The following MRPS30 variants were observed in gnomAD, a reference collection of about 807,000 sequenced individuals.
MRPS30 encodes the protein mitochondrial ribosomal protein S30, also known as large ribosomal subunit protein mL65.
A neutral mutation model predicts 43.8 loss-of-function variants in MRPS30; 42 were observed. The observed-to-expected ratio is 0.96, with a 90% CI of 0.75 to 1.24. The LOEUF (loss-of-function observed/expected upper bound fraction) is 1.24. Among genes scored for constraint, MRPS30 ranks in the 50% most tolerant of loss-of-function variants. MRPS30 has a pLI of 0.00. For missense variants in MRPS30, 638 were observed against 570.0 expected (o/e 1.12, Z -1.22); for synonymous variants, 273 against 228.2 (o/e 1.20, Z -1.77).
At position 44,809,265 on chromosome 5, in the gene MRPS30, T is replaced by C; in HGVS notation, c.303T>C (p.Asn101=). The C allele has an allele frequency of 1.9e-6, 3 of 1,613,540 alleles. No homozygotes were observed. The highest frequency in any genetic ancestry group is 2.5e-6 in the Non-Finnish European group (3 of 1,179,884). The change falls in exon 1 of 5, where the codon AAT becomes AAC. Residue 101 remains asparagine (N), a synonymous_variant. Coordinates refer to ENST00000507110, the MANE Select transcript of MRPS30 (RefSeq NM_016640.4). ...TTTACCCGCAGACCTTCGCGCTGAA[T>C]GCCGACCGCTGGTACCAGTACTTCA... ...YMVYPQTFAL[N]ADRWYQYFTK... is the part of the protein sequence containing the mutation.
chr5:44,812,399 AC>A (rs1742858476), intron 3 of MRPS30, among the ~76,000 whole-genome samples: 1 of 152,156 alleles, frequency 6.6e-6, no homozygotes, highest in African/African-American at 2.4e-5. Context: ...TAAGGAATTC[AC>A]AAATTCATAA....
intron 2 of MRPS30, 48 bp from the exon 3 acceptor site, chr5:44,811,866 AC>A: frequency 8.8e-7 from 1 of 1,141,138 alleles, no homozygotes; most frequent in Non-Finnish European, 1.2e-6. Flanking sequence ...TGAGTAAAAT[AC>A]ATACTAATGT....
intron 3 of MRPS30, among the ~76,000 whole-genome samples, chr5:44,812,453 A>AT (rs899753505): frequency 1.3e-5 from 2 of 151,708 alleles, no homozygotes; most frequent in African/African-American, 4.8e-5. Flanking sequence ...TTTTTTTGCA[A>AT]TTTTTTCTTC....
At position 44,809,461 on chromosome 5, in the gene MRPS30, G is replaced by A. The variant is rs1473840638; in HGVS notation, c.499G>A (p.Glu167Lys). Residue 167 changes from glutamate (E) to lysine (K), a missense_variant, in exon 1 of 5, where the codon GAG becomes AAG. Coordinates refer to ENST00000507110, the MANE Select transcript of MRPS30 (RefSeq NM_016640.4). ...GCGCAGGCGGCGCGTGCACCGTTAC[G>A]AGGAGAGCGAGGTCATATCTTTGCC... ...LRRRRRVHRY[E>K]ESEVISLPFL... The A allele has an allele frequency of 6.2e-7, 1 of 1,613,928 alleles. No homozygotes were observed. Among genetic ancestry groups the A allele is most frequent in the Admixed American group, 1.7e-5 (1 of 60,030 alleles).
rs373372610 is a variant in MRPS30, at chr5:44,811,193, G to A, written c.747+39G>A. On this transcript the variant is annotated intron_variant, in intron 2 of 4. Coordinates refer to ENST00000507110, the MANE Select transcript of MRPS30 (RefSeq NM_016640.4). ...GCGATTATGTATCTATTGATATCTC[G>A]TGTAGGATTTGTCATAGGCAGGTTG... 6.6e-4 allele frequency: 1,061 copies of A among 1,601,982 alleles called. No individual in the cohort carries two copies. Among genetic ancestry groups the A allele is most frequent in the Non-Finnish European group, 8.7e-4 (1,015 of 1,170,708 alleles).
At chr5:44,810,027 C>T (rs1742811271) in intron 1 of MRPS30, 1 of 155,668 alleles carries the variant, frequency 6.4e-6, no homozygotes, top group African/African-American at 2.4e-5. Context: ...AACTTTTTTG[C>T]TTAATTTTTC....
chr5:44,812,060 C>A, intron 3 of MRPS30, 40 bp downstream of exon 3: 1 of 1,408,366 alleles, frequency 7.1e-7, no homozygotes, highest in South Asian at 1.3e-5. Flanking sequence ...TAAATGTGTT[C>A]CAAGTGTCGT....
chr5:44,811,229 TTAG>T lies in MRPS30; in HGVS notation c.747+79_747+81del, dbSNP rs531548540. ...GTCATAGGCAGGTTGAGTAATAGTC[TTAG>T]TAGAATAAAATGTTTCAGGTGGATC... On this transcript the variant is annotated intron_variant, in intron 2 of 4. Transcript: ENST00000507110. The T allele has an allele frequency of 3.0e-5, 44 of 1,485,008 alleles. No individual in the cohort carries two copies. In the East Asian group the frequency reaches 9.4e-4, roughly 32 times the overall value. The allele number at this position is 1,485,008 out of a possible 1,614,324, so 92.0% of individuals were successfully genotyped here. A position where few individuals can be genotyped will look rare whatever the true frequency, so the allele number is the denominator to read the frequency against.
rs201011555 is a variant in MRPS30 at position 44,813,222 on chromosome 5, T to G, written c.970T>G (p.Phe324Val). ...CTGTGCTGATCAGATAGAAGTTGTTTTTAGAGCTAATGCTATTGCAAGCCT... is the reference window on the plus strand; with the variant it reads ...CTGTGCTGATCAGATAGAAGTTGTTGTTAGAGCTAATGCTATTGCAAGCCT... Reference protein sequence around the residue: ...QNCADQIEVVFRANAIASLFA... With the variant: ...QNCADQIEVVVRANAIASLFA... Residue 324 changes from phenylalanine to valine, a missense_variant, in exon 4 of 5, where the codon TTT (phenylalanine) becomes GTT (valine). By Grantham distance (50) the Phe-to-Val change is conservative (BLOSUM62 -1). Coordinates refer to ENST00000507110, the MANE Select transcript of MRPS30 (RefSeq NM_016640.4). The G allele has an allele frequency of 4.8e-5, 78 of 1,612,472 alleles. No individual in the cohort carries two copies. Among genetic ancestry groups the G allele is most frequent in the Non-Finnish European group, 6.8e-6 (8 of 1,179,428 alleles).
rs755911579 is a variant in MRPS30 at position 44,811,918 on chromosome 5, G to T, written c.751G>T (p.Val251Leu). The change falls in exon 3 of 5, where the codon GTG becomes TTG. Residue 251 changes from valine to leucine, a missense_variant. Coordinates refer to ENST00000507110, the MANE Select transcript of MRPS30 (RefSeq NM_016640.4). ...ATGTCTTTTCTTTTTCTTTAAGTTT[G>T]TGCCATTGGATTATTCTGTTCCTAT... Reference protein sequence around the residue: ...IRISKQLAEFVPLDYSVPIEI... With the variant: ...IRISKQLAEFLPLDYSVPIEI... 1 of 1,526,986 alleles carries T rather than the reference G, an allele frequency of 6.5e-7. No individual in the cohort carries two copies. The highest frequency in any genetic ancestry group is 8.9e-7 in the Non-Finnish European group (1 of 1,129,650). The allele number at this position is 1,526,986 out of a possible 1,614,324, so 94.6% of individuals were successfully genotyped here. A position where few individuals can be genotyped will look rare whatever the true frequency, so the allele number is the denominator to read the frequency against.
At chr5:44,810,568 C>A (rs899112986) in intron 1 of MRPS30, among the ~76,000 whole-genome samples, 1 of 152,114 alleles carries the variant, frequency 6.6e-6, no homozygotes, top group Non-Finnish European at 1.5e-5. Flanking sequence ...TTGAGGAAAG[C>A]GTCATGGACT....
Position 44,811,095 on chromosome 5 carries a change from C to G in MRPS30, c.688C>G (p.Arg230Gly). ...GHRRGRIDDL[R>G]YQIDDKPNNQ... The stretch of plus-strand genomic sequence containing the variant: ...TCGAAGAGGTCGAATTGATGACTTG[C>G]GATACCAGATAGATGATAAACCAAA... Residue 230 changes from arginine (R) to glycine (G), a missense_variant, in exon 2 of 5, where the codon CGA becomes GGA. Coordinates refer to ENST00000507110, the MANE Select transcript of MRPS30 (RefSeq NM_016640.4). 1 of 1,613,930 alleles carries G rather than the reference C, an allele frequency of 6.2e-7. No individual in the cohort carries two copies. Among genetic ancestry groups the G allele is most frequent in the Non-Finnish European group, 8.5e-7 (1 of 1,179,896 alleles).
rs755161086 is a variant in MRPS30 at position 44,809,476 on chromosome 5, A to G, written c.514A>G (p.Ile172Val). The G allele has an allele frequency of 6.8e-6, 11 of 1,613,862 alleles. No individual in the cohort carries two copies. The highest frequency in any genetic ancestry group is 3.3e-5 in the South Asian group (3 of 91,088). The stretch of plus-strand genomic sequence containing the variant: ...GCACCGTTACGAGGAGAGCGAGGTC[A>G]TATCTTTGCCCTTCCTGGATCAGCT... ...RVHRYEESEV[I>V]SLPFLDQLVS... The change falls in exon 1 of 5, where the codon ATA (isoleucine) becomes GTA (valine). Residue 172 changes from isoleucine to valine, a missense_variant. Ile to Val is a conservative substitution (Grantham distance 29). Coordinates refer to ENST00000507110, the MANE Select transcript of MRPS30 (RefSeq NM_016640.4).
At chr5:44,810,422 C>T (rs1055430599) in intron 1 of MRPS30, among the ~76,000 whole-genome samples, 4 of 152,146 alleles carry the variant, frequency 2.6e-5, no homozygotes, top group African/African-American at 9.7e-5. Flanking sequence ...GTTTTTGACG[C>T]ATTCATTATT....
In MRPS30 at chr5:44,815,441, T is replaced by C. The variant is rs1004698194; in HGVS notation, c.*239T>C. 5 of 352,462 alleles carry C rather than the reference T, an allele frequency of 1.4e-5. No individual in the cohort carries two copies. The highest frequency in any genetic ancestry group is 1.0e-4 in the East Asian group (2 of 20,088). The allele number at this position is 352,462 out of a possible 1,614,324, so 21.8% of individuals were successfully genotyped here. A position where few individuals can be genotyped will look rare whatever the true frequency, so the allele number is the denominator to read the frequency against. Reference sequence around the variant, plus strand: ...GTATATTGCTAACTGATAAGACAAATTGAGTTATTGAGCTATTAAATGCAC... The same window carrying C: ...GTATATTGCTAACTGATAAGACAAACTGAGTTATTGAGCTATTAAATGCAC... On this transcript the variant is annotated 3_prime_UTR_variant, in exon 5 of 5. Coordinates refer to ENST00000507110, the MANE Select transcript of MRPS30 (RefSeq NM_016640.4).
At position 44,813,238 on chromosome 5, in the gene MRPS30, T is replaced by C. The variant is rs1357079169; in HGVS notation, c.986T>C (p.Ile329Thr). The change falls in exon 4 of 5, where the codon ATT becomes ACT. Residue 329 changes from isoleucine to threonine, a missense_variant. Physicochemically the swap from Ile to Thr is moderately conservative, Grantham distance 89. Coordinates refer to ENST00000507110, the MANE Select transcript of MRPS30 (RefSeq NM_016640.4). ...QIEVVFRANA[I>T]ASLFAWTGAQ... ...GAAGTTGTTTTTAGAGCTAATGCTATTGCAAGCCTTTTTGCTTGGACTGGA... is the reference window on the plus strand; with the variant it reads ...GAAGTTGTTTTTAGAGCTAATGCTACTGCAAGCCTTTTTGCTTGGACTGGA... 6.2e-7 allele frequency: 1 copy of C among 1,610,542 alleles called. No individual in the cohort carries two copies. Among genetic ancestry groups the C allele is most frequent in the South Asian group, 1.1e-5 (1 of 90,060 alleles).
At chr5:44,812,956 A>G in intron 3 of MRPS30, 150 bp from the exon 4 acceptor site, 1 of 632,456 alleles carries the variant, frequency 1.6e-6, no homozygotes. Flanking sequence ...TCCATAAGAT[A>G]TATAAGTAAA....
chr5:44,809,623 C>G, intron 1 of MRPS30, 60 bp downstream of exon 1: 1 of 1,457,618 alleles, frequency 6.9e-7, no homozygotes. Flanking sequence ...CTGGGTTACT[C>G]TGCCGCAGAT....
At position 44,809,773 on chromosome 5, in the gene MRPS30, C is replaced by T. The variant is rs142345142; in HGVS notation, c.601+210C>T. On this transcript the variant is annotated intron_variant, in intron 1 of 4. Transcript: ENST00000507110. ...GTGTGTGTGGCTGCGCTAACACCTA[C>T]CAGCTCTTCAACTCTGAAAGCCTGA... 203 of 558,954 alleles carry T rather than the reference C, an allele frequency of 3.6e-4. 1 individual carries two copies. The highest frequency in any genetic ancestry group is 3.5e-3 in the African/African-American group (184 of 52,606). The allele number at this position is 558,954 out of a possible 1,614,324, so 34.6% of individuals were successfully genotyped here. A position where few individuals can be genotyped will look rare whatever the true frequency, so the allele number is the denominator to read the frequency against.
Sources: allele counts gnomAD v4.1 joint callset (sites outside exome capture counted in the v4.1 genomes callset), GRCh38; gene constraint gnomAD v4.1.1; transcripts MANE v1.5; gene names NCBI Gene and HGNC (gene_info 2026-07-23, HGNC 2026-07-21).